NAF1: variants seen among roughly 807,000 people sequenced by gnomAD.
NAF1 encodes the protein nuclear assembly factor 1 ribonucleoprotein.
NAF1 carries 11 observed loss-of-function variants against 40.6 expected under a neutral mutation model. The observed-to-expected ratio is 0.27, with a 90% confidence interval of 0.17 to 0.45. The LOEUF (loss-of-function observed/expected upper bound fraction) is 0.45. Ranked by LOEUF, NAF1 falls within the 20% of genes least tolerant of loss-of-function variation. The pLI is 1.00. For missense variants in NAF1, 607 were observed against 611.1 expected, an observed-to-expected ratio of 0.99 and a Z score of 0.07; for synonymous variants, 260 against 228.5, an observed-to-expected ratio of 1.14 and a Z score of -1.24.
chr4:163,162,848 C>T (rs924763952), intron 2 of NAF1, among the ~76,000 whole-genome samples: 1 of 152,228 alleles, frequency 6.6e-6, no homozygotes, highest in Non-Finnish European at 1.5e-5. Context: ...CATATGAACT[C>T]AGTCCTCAAA....
chr4:163,129,372 A>G (rs1424220587), intron 7 of NAF1, 24 bp from the exon 8 acceptor site: 1 of 1,563,632 alleles, frequency 6.4e-7, no homozygotes, highest in East Asian at 2.3e-5. Context: ...GAGGGAAAAC[A>G]TAAAAAGGAA....
chr4:163,153,161 T>C (rs571365182), intron 2 of NAF1, among the ~76,000 whole-genome samples: 85 of 152,280 alleles, frequency 5.6e-4, no homozygotes, highest in Middle Eastern at 3.4e-3. Context: ...AGCCCGAGCC[T>C]CCCGGACGAA....
In NAF1 at chr4:163,164,379, T is replaced by C. The variant is rs764394009; in HGVS notation, c.378A>G (p.Ser126=). 8.9e-6 allele frequency: 14 copies of C among 1,570,068 alleles called. No homozygotes were observed. In the East Asian group the frequency reaches 3.2e-4, roughly 36 times the overall value. Residue 126 remains serine, a synonymous_variant, in exon 2 of 8, where the codon TCA becomes TCG. Transcript: ENST00000274054. ...SDSDSDSETD[S]DSSSSSSSSS... ...AGGAAGACGATGAACTTGAACTATC[T>C]GAATCTGTTTCACTGTAGGGAAGAA...
At chr4:163,164,163 A>C in intron 2 of NAF1, 54 bp downstream of exon 2, 1 of 1,427,870 alleles carries the variant, frequency 7.0e-7, no homozygotes, top group Non-Finnish European at 9.2e-7. Context: ...CAATACTGGT[A>C]CCAGAATACG....
At chr4:163,109,462 T>C (rs1730104659), downstream of NAF1, among the ~76,000 whole-genome samples, 5 of 152,182 alleles carry the variant, frequency 3.3e-5, no homozygotes, top group Admixed American at 3.3e-4. Context: ...GAAAAAAGTT[T>C]TGAGTAGTTA....
At position 163,148,437 on chromosome 4, in the gene NAF1, A is replaced by G. The variant is rs1376405663; in HGVS notation, c.541-3T>C. 7 of 1,556,438 alleles carry G rather than the reference A, an allele frequency of 4.5e-6. No homozygotes were observed. Among genetic ancestry groups the G allele is most frequent in the South Asian group, 1.2e-5 (1 of 81,076 alleles). ...AGTTCTTCAACAGAAGGCAGTTCCT[A>G]TAATTTAAAACAAAACAAAACATTA... On this transcript the variant is annotated splice_polypyrimidine_tract_variant and splice_region_variant and intron_variant, in intron 2 of 7. Coordinates refer to ENST00000274054, the MANE Select transcript of NAF1 (RefSeq NM_138386.3).
intron 4 of NAF1, 86 bp from the exon 5 acceptor site, chr4:163,140,469 A>G (rs907056837): frequency 7.7e-6 from 9 of 1,172,392 alleles, no homozygotes; most frequent in Non-Finnish European, 1.1e-5. Flanking sequence ...AATCCCACTG[A>G]TAATTGCCAG....
chr4:163,127,261 C>T, downstream of NAF1: 2 of 1,222,466 alleles, frequency 1.6e-6, no homozygotes, highest in Non-Finnish European at 2.1e-6. Context: ...TCCCGAGTAG[C>T]TGGGATTACA....
At chr4:163,148,311 C>A (rs748433789) in intron 3 of NAF1, 30 bp downstream of exon 3, 2 of 1,399,764 alleles carry the variant, frequency 1.4e-6, no homozygotes, top group Non-Finnish European at 1.9e-6. Flanking sequence ...TGTTTGGAAA[C>A]AATTTTTATT....
At chr4:163,111,502 ATGTCCAGTGGCGCAAG>A (rs1315223464) in intron 2 of NAF1, among the ~76,000 whole-genome samples, 2 of 152,198 alleles carry the variant, frequency 1.3e-5, no homozygotes, top group African/African-American at 2.4e-5. Context: ...GGGAGCAGAA[ATGTCCAGTGGCGCAAG>A]TTTGGGGTGA....
At chr4:163,111,733 AGCCACC>A (rs1188660360) in intron 2 of NAF1, among the ~76,000 whole-genome samples, 1 of 152,158 alleles carries the variant, frequency 6.6e-6, no homozygotes, top group African/African-American at 2.4e-5. Flanking sequence ...GAGAAAGTAG[AGCCACC>A]GCTAGTGTTT....
chr4:163,115,120 G>A (rs1730286395), intron 2 of NAF1, among the ~76,000 whole-genome samples: 1 of 151,666 alleles, frequency 6.6e-6, no homozygotes, highest in Admixed American at 6.6e-5. Context: ...AGGATCATTA[G>A]GACCACAGGC....
chr4:163,151,051 A>ATTGT (rs1731680263), intron 2 of NAF1, among the ~76,000 whole-genome samples: 2 of 151,866 alleles, frequency 1.3e-5, no homozygotes, highest in African/African-American at 4.8e-5. Flanking sequence ...TGTGTTATGA[A>ATTGT]TTGTTTCTTG....
intron 2 of NAF1, among the ~76,000 whole-genome samples, chr4:163,111,891 T>C (rs1241796327): frequency 1.3e-5 from 2 of 152,298 alleles, no homozygotes; most frequent in East Asian, 1.9e-4. Context: ...TAGAAAATTT[T>C]ATCAATCACG....
At chr4:163,123,398 A>G (rs1730568418), downstream of NAF1, among the ~76,000 whole-genome samples, 1 of 152,188 alleles carries the variant, frequency 6.6e-6, no homozygotes, top group Non-Finnish European at 1.5e-5. Context: ...AGTTATTTCA[A>G]TTATCTATTT....
downstream of NAF1, among the ~76,000 whole-genome samples, chr4:163,107,329 G>A (rs2110781625): frequency 6.6e-6 from 1 of 152,280 alleles, no homozygotes; most frequent in African/African-American, 2.4e-5. Context: ...TAGTAAAGGG[G>A]ATCATTGGGC....
rs757998387 is a variant in NAF1 at position 163,166,387 on chromosome 4, G to C, written c.341C>G (p.Ser114Trp). 6.2e-7 allele frequency: 1 copy of C among 1,605,790 alleles called. No homozygotes were observed. The highest frequency in any genetic ancestry group is 8.5e-7 in the Non-Finnish European group (1 of 1,175,662). The change falls in exon 1 of 8, where the codon TCG becomes TGG. Residue 114 changes from serine (S) to tryptophan (W), a missense_variant. Coordinates refer to ENST00000274054, the MANE Select transcript of NAF1 (RefSeq NM_138386.3). ...PARAPDSLET[S>W]DSDSDSDSET... The stretch of plus-strand genomic sequence containing the variant: ...CCTGTCCGAGTCCGAATCCGAGTCC[G>C]AGGTCTCCAAGGAGTCCGGCGCCCG...
chr4:163,141,438 TTTTC>T (rs1731258546), intron 4 of NAF1, among the ~76,000 whole-genome samples: 1 of 152,192 alleles, frequency 6.6e-6, no homozygotes, highest in African/African-American at 2.4e-5. Context: ...TACGTTATTT[TTTTC>T]TTTAAGACCA....
chr4:163,128,940 G>T lies in NAF1; in HGVS notation c.1442C>A (p.Pro481His). The part of the protein sequence containing the change: ...PPPPPPLPPP[P>H]SSGDSNSHFG... Reference sequence around the variant, plus strand: ...ATGAGAATTACTATCTCCAGAAGAGGGTGGAGGAGGCAGTGGTGGAGGGGG... The same window carrying T: ...ATGAGAATTACTATCTCCAGAAGAGTGTGGAGGAGGCAGTGGTGGAGGGGG... Residue 481 changes from proline to histidine, a missense_variant, in exon 8 of 8, where the codon CCC becomes CAC. Coordinates refer to ENST00000274054, the MANE Select transcript of NAF1 (RefSeq NM_138386.3). 1.3e-6 allele frequency: 2 copies of T among 1,543,418 alleles called. No homozygotes were observed. The highest frequency in any genetic ancestry group is 1.2e-5 in the South Asian group (1 of 82,298).
Sources: gnomAD v4.1 joint callset for allele counts (sites outside exome capture counted in the v4.1 genomes callset) on GRCh38, gnomAD v4.1.1 for gene constraint, MANE v1.5 for transcripts, NCBI Gene and HGNC (gene_info 2026-07-23, HGNC 2026-07-21) for gene names.